DOCK8: variants seen among roughly 807,000 people sequenced by gnomAD.
The protein encoded by DOCK8 is dedicator of cytokinesis protein 8.
DOCK8 carries 141 observed loss-of-function variants against 245.6 expected under a neutral mutation model. That is an observed-to-expected ratio of 0.57 (90% CI 0.50 to 0.66). The LOEUF is 0.66. DOCK8 is among the 30% of genes least tolerant of loss of function. The probability of loss-of-function intolerance (pLI) is 0.00; values close to 1 mark genes in which losing one functional copy is unlikely to be tolerated. For synonymous variants in DOCK8, 1,168 were observed against 970.2 expected, an observed-to-expected ratio of 1.20 and a Z score of -3.79; for missense variants, 2,965 against 2,603.4, an observed-to-expected ratio of 1.14 and a Z score of -3.02.
chr9:340,045 C>T (rs78105267), intron 13 of DOCK8, 114 bp from the exon 14 acceptor site: 3 of 1,226,826 alleles, frequency 2.4e-6, no homozygotes, highest in South Asian at 2.7e-5. Context: ...AACTTTTTTA[C>T]AGTACTATAG....
At chr9:460,316 A>C (rs952597967) in intron 46 of DOCK8, 3 of 152,180 alleles carry the variant, frequency 2.0e-5, no homozygotes, top group African/African-American at 7.2e-5. Context: ...AAGACTAAGG[A>C]GAGTTTAGCT....
intron 12 of DOCK8, among the ~76,000 whole-genome samples, chr9:337,862 A>G (rs1329881557): frequency 3.3e-5 from 5 of 152,178 alleles, no homozygotes; most frequent in Non-Finnish European, 7.3e-5. Context: ...GCACTTAGAA[A>G]CAGGTAAGAT....
intron 1 of DOCK8, among the ~76,000 whole-genome samples, chr9:233,753 G>T (rs2047178388): frequency 6.6e-6 from 1 of 151,994 alleles, no homozygotes; most frequent in Admixed American, 6.6e-5. Flanking sequence ...TTGCTTGGTA[G>T]ATCTTCCTCC....
intron 1 of DOCK8, among the ~76,000 whole-genome samples, chr9:248,640 T>C (rs1025753377): frequency 4.6e-5 from 7 of 152,040 alleles, no homozygotes; most frequent in African/African-American, 1.7e-4. Flanking sequence ...TTTCTTACTT[T>C]TGATGTAGCT....
At chr9:362,577 G>A (rs147561000) in intron 14 of DOCK8, among the ~76,000 whole-genome samples, 1 of 152,118 alleles carries the variant, frequency 6.6e-6, no homozygotes, top group African/African-American at 2.4e-5. Flanking sequence ...TCCTCTTGTC[G>A]AGCTGCTCCT....
intron 1 of DOCK8, among the ~76,000 whole-genome samples, chr9:230,245 A>G (rs1443319853): frequency 6.6e-6 from 1 of 152,032 alleles, no homozygotes; most frequent in Non-Finnish European, 1.5e-5. Context: ...CATCATCTTT[A>G]TGGCTGCATA....
intron 24 of DOCK8, among the ~76,000 whole-genome samples, chr9:396,465 A>G (rs1258290343): frequency 3.3e-5 from 5 of 152,230 alleles, no homozygotes; most frequent in Non-Finnish European, 7.3e-5. Context: ...ACAGGAGCCC[A>G]GCTCAGGTCT....
At chr9:247,541 T>G (rs1344683543) in intron 1 of DOCK8, among the ~76,000 whole-genome samples, 1 of 152,094 alleles carries the variant, frequency 6.6e-6, no homozygotes, top group Non-Finnish European at 1.5e-5. Flanking sequence ...TTCTTTTTTG[T>G]TTGTTTGTTT....
At chr9:273,793 TCTCCTGTAGTTCAAGCAA>T (rs1324214058) in intron 2 of DOCK8, among the ~76,000 whole-genome samples, 2 of 39,054 alleles carry the variant, frequency 5.1e-5, no homozygotes, top group Non-Finnish European at 8.8e-5. Flanking sequence ...TTCAAGCAAT[TCTCCTGTAGTTCAAGCAA>T]TTCTCCTGCC....
Position 464,488 on chromosome 9 carries a change from C to G in DOCK8, c.*269C>G. 1.9e-6 allele frequency: 1 copy of G among 540,422 alleles called. No homozygotes were observed. Among genetic ancestry groups the G allele is most frequent in the Non-Finnish European group, 3.3e-6 (1 of 299,444 alleles). 33.5% of individuals were successfully genotyped at this position (540,422 alleles called of 1,614,324 possible). ...TTAAAGTGTGTTTTTCCACAATGTA[C>G]CAAACAAGGCATAAGCAGCTTCTCC... On this transcript the variant is annotated 3_prime_UTR_variant, in exon 48 of 48. Transcript: ENST00000432829.
intron 17 of DOCK8, 123 bp from the exon 18 acceptor site, chr9:372,061 CA>C (rs2053310064): frequency 2.0e-5 from 17 of 848,808 alleles, no homozygotes; most frequent in Non-Finnish European, 3.1e-5. Context: ...AAATTACTGC[CA>C]AAAAGAGTAC....
intron 1 of DOCK8, among the ~76,000 whole-genome samples, chr9:261,412 G>A (rs1275982952): frequency 6.6e-6 from 1 of 152,160 alleles, no homozygotes; most frequent in Non-Finnish European, 1.5e-5. Flanking sequence ...ATATTTAGAT[G>A]TTTTAGAGCT....
At chr9:396,983 T>C (rs749606057) in intron 25 of DOCK8, 49 bp downstream of exon 25, 10 of 1,557,108 alleles carry the variant, frequency 6.4e-6, no homozygotes, top group East Asian at 2.2e-5. Flanking sequence ...CTGGAACATA[T>C]ATTACTTTCA....
Position 417,969 on chromosome 9 carries a change from C to A in DOCK8, c.3701-99C>A. On this transcript the variant is annotated intron_variant, in intron 29 of 47. Transcript: ENST00000432829. The stretch of plus-strand genomic sequence containing the variant: ...AAACATCAGGTTTGAAATTACTGTG[C>A]TGACTTTAGTGACTGAGAAGTATCA... 3 of 1,507,420 alleles carry A rather than the reference C, an allele frequency of 2.0e-6. No individual in the cohort carries two copies. In the South Asian group the frequency reaches 3.4e-5, roughly 17 times the overall value. 93.4% of individuals were successfully genotyped at this position (1,507,420 alleles called of 1,614,324 possible). A position where few individuals can be genotyped will look rare whatever the true frequency, so the allele number is the denominator to read the frequency against.
At chr9:345,453 G>A (rs1047144769) in intron 14 of DOCK8, among the ~76,000 whole-genome samples, 1 of 152,178 alleles carries the variant, frequency 6.6e-6, no homozygotes, top group Admixed American at 6.5e-5. Flanking sequence ...CCCCCTGGGT[G>A]GAGGGAACTA....
rs146330319 is a variant in DOCK8, at chr9:339,150, G to A, written c.1516+51G>A. The A allele has an allele frequency of 2.8e-4, 401 of 1,440,714 alleles. 1 individual carries two copies. The African/African-American group carries it at 3.6e-3, about 13-fold the overall frequency. The allele number at this position is 1,440,714 out of a possible 1,614,324, so 89.2% of individuals were successfully genotyped here. On this transcript the variant is annotated intron_variant, in intron 13 of 47. Coordinates refer to ENST00000432829, the MANE Select transcript of DOCK8 (RefSeq NM_203447.4). ...TTTAGCTGTGCCAAAACTGCTTATC[G>A]TTAGACACAGTCTTTGTCTAATGCC...
intron 14 of DOCK8, among the ~76,000 whole-genome samples, chr9:358,183 C>G (rs116450055): frequency 0.016 from 2,396 of 152,196 alleles, 71 homozygotes; most frequent in African/African-American, 0.056. Context: ...CTCCTGGACT[C>G]AAGTGATCTT....
At chr9:252,162 C>T (rs778774461) in intron 1 of DOCK8, among the ~76,000 whole-genome samples, 17 of 151,680 alleles carry the variant, frequency 1.1e-4, no homozygotes, top group Non-Finnish European at 2.4e-4. Context: ...TTAACATAGA[C>T]GGGGGTCTCA....
chr9:399,296 A>T (rs778656627), intron 26 of DOCK8, 37 bp downstream of exon 26: 1 of 1,239,950 alleles, frequency 8.1e-7, no homozygotes, highest in African/African-American at 1.9e-5. Context: ...CGAGCGAGCC[A>T]CTTGGTTCCT....
Sources: gnomAD v4.1 joint callset for allele counts (sites outside exome capture counted in the v4.1 genomes callset) on GRCh38, gnomAD v4.1.1 for gene constraint, MANE v1.5 for transcripts, NCBI Gene and HGNC (gene_info 2026-07-23, HGNC 2026-07-21) for gene names.